Variants in BNIPL observed in about 807,000 individuals in gnomAD.
BNIPL encodes the protein bcl-2/adenovirus E1B 19 kDa-interacting protein 2-like protein.
Under a neutral mutation model 47.0 loss-of-function variants are expected in BNIPL, and 33 were observed. The ratio of observed to expected loss-of-function variants is 0.70; its 90% CI spans 0.53 to 0.94. BNIPL has a LOEUF of 0.94. BNIPL is among the 40% of genes least tolerant of loss of function. The pLI is 0.00. For missense variants in BNIPL, 404 were observed against 445.2 expected (o/e 0.91, Z 0.83); for synonymous variants, 145 against 162.7 (o/e 0.89, Z 0.83).
At chr1:151,038,760 C>T in intron 3 of BNIPL, 36 bp from the exon 4 acceptor site, 1 of 1,558,242 alleles carries the variant, frequency 6.4e-7, no homozygotes, top group Non-Finnish European at 8.7e-7. Flanking sequence ...CCAACACACA[C>T]ACCCATCTTG....
chr1:151,046,681 G>A lies in BNIPL; in HGVS notation c.1068G>A (p.Gly356=), dbSNP rs763123486. 1 of 1,600,704 alleles carries A rather than the reference G, an allele frequency of 6.2e-7. No homozygotes were observed. Among genetic ancestry groups the A allele is most frequent in the South Asian group, 1.1e-5 (1 of 90,796 alleles). The change falls in exon 10 of 10, where the codon GGG becomes GGA. Residue 356 remains glycine, a synonymous_variant. Coordinates refer to ENST00000368931, the MANE Select transcript of BNIPL (RefSeq NM_138278.4). ...QLDRDLHGSG[G]T ...ACCGGGATCTCCATGGCTCAGGAGG[G>A]ACATAGCACAGGACTGGATAAAAGG...
Position 151,046,790 on chromosome 1 carries a change from A to C in BNIPL, c.*103A>C, listed in dbSNP as rs1676042033. On this transcript the variant is annotated 3_prime_UTR_variant, in exon 10 of 10. Coordinates refer to ENST00000368931, the MANE Select transcript of BNIPL (RefSeq NM_138278.4). ...TGTAAATCATCTTATCCCCAACCTC[A>C]GTACCACCGGATCTTCACTTCTCAG... 4 of 897,528 alleles carry C rather than the reference A, an allele frequency of 4.5e-6. No individual in the cohort carries two copies. The highest frequency in any genetic ancestry group is 5.7e-5 in the East Asian group (2 of 34,810). 55.6% of individuals were successfully genotyped at this position (897,528 alleles called of 1,614,324 possible).
chr1:151,043,441 T>TGG lies in BNIPL; in HGVS notation c.719+8_719+9dup, dbSNP rs1158072475. 6.3e-7 allele frequency: 1 copy of TGG among 1,587,974 alleles called. No homozygotes were observed. The highest frequency in any genetic ancestry group is 1.7e-5 in the Admixed American group (1 of 59,948). ...TCATGGAACACTTGTTTAGGTGAGG[T>TGG]GGAAGGCCTGAAGGGCTACAGGGCA... On this transcript the variant is annotated splice_region_variant and intron_variant, in intron 6 of 9. Transcript: ENST00000368931.
intron 2 of BNIPL, 71 bp from the exon 3 acceptor site, chr1:151,038,433 C>T: frequency 8.9e-7 from 1 of 1,121,556 alleles, no homozygotes; most frequent in Non-Finnish European, 1.3e-6. Flanking sequence ...GGAGAGAGAA[C>T]CTATATATTG....
chr1:151,043,220 A>C, intron 5 of BNIPL, 82 bp downstream of exon 5: 1 of 1,538,062 alleles, frequency 6.5e-7, no homozygotes, highest in Non-Finnish European at 9.0e-7. Flanking sequence ...CATTGGATCC[A>C]AAATCTATCC....
In BNIPL at chr1:151,038,480, G is replaced by A. The variant is rs368916210; in HGVS notation, c.138-24G>A. On this transcript the variant is annotated intron_variant, in intron 2 of 9. Coordinates refer to ENST00000368931, the MANE Select transcript of BNIPL (RefSeq NM_138278.4). ...GATGCCTTTGGTGTATATGTCTGCC[G>A]CCTTTTAATCTCTTCCCCTCTAGAT... The A allele has an allele frequency of 6.4e-5, 102 of 1,585,280 alleles. No homozygotes were observed. In the South Asian group the frequency reaches 9.5e-4, roughly 15 times the overall value.
chr1:151,039,176 T>A, intron 4 of BNIPL, 150 bp downstream of exon 4: 1 of 1,248,930 alleles, frequency 8.0e-7, no homozygotes, highest in Non-Finnish European at 1.0e-6. Flanking sequence ...GAACTTGGGC[T>A]TATAGGTCCA....
chr1:151,046,813 C>T lies in BNIPL; in HGVS notation c.*126C>T, dbSNP rs1015561205. 6.4e-6 allele frequency: 5 copies of T among 783,730 alleles called. No homozygotes were observed. The highest frequency in any genetic ancestry group is 5.1e-5 in the Admixed American group (2 of 39,540). 48.5% of individuals were successfully genotyped at this position (783,730 alleles called of 1,614,324 possible). A position where few individuals can be genotyped will look rare whatever the true frequency, so the allele number is the denominator to read the frequency against. On this transcript the variant is annotated 3_prime_UTR_variant, in exon 10 of 10. Coordinates refer to ENST00000368931, the MANE Select transcript of BNIPL (RefSeq NM_138278.4). ...TCAGTACCACCGGATCTTCACTTCT[C>T]AGTGGGATTTTGTCCTTTGCATGAC... is the stretch of plus-strand genomic sequence containing the variant.
chr1:151,046,672 C>T lies in BNIPL; in HGVS notation c.1059C>T (p.Gly353=). Residue 353 remains glycine (G), a synonymous_variant, in exon 10 of 10, where the codon GGC becomes GGT. Coordinates refer to ENST00000368931, the MANE Select transcript of BNIPL (RefSeq NM_138278.4). ...CTAGGCTGGACCGGGATCTCCATGG[C>T]TCAGGAGGGACATAGCACAGGACTG... ...AVRQLDRDLH[G]SGGT is the part of the protein sequence containing the mutation. 6 of 1,603,070 alleles carry T rather than the reference C, an allele frequency of 3.7e-6. No individual in the cohort carries two copies. The highest frequency in any genetic ancestry group is 5.1e-6 in the Non-Finnish European group (6 of 1,172,852).
rs762474234 is a variant in BNIPL, at chr1:151,038,786, C to CT, written c.203-7dup. On this transcript the variant is annotated splice_polypyrimidine_tract_variant and intron_variant, in intron 3 of 9. Coordinates refer to ENST00000368931, the MANE Select transcript of BNIPL (RefSeq NM_138278.4). ...ACCCATCTTGGTTCTCTTTTTCCCC[C>CT]TTTCTCCAGCTGCAGGTACCCCCAG... 19 of 1,563,698 alleles carry CT rather than the reference C, an allele frequency of 1.2e-5. No individual in the cohort carries two copies. In the African/African-American group the frequency reaches 2.2e-4, roughly 18 times the overall value.
chr1:151,038,988 C>G lies in BNIPL; in HGVS notation c.395C>G (p.Ser132Trp). 6.2e-7 allele frequency: 1 copy of G among 1,607,086 alleles called. No individual in the cohort carries two copies. The highest frequency in any genetic ancestry group is 8.5e-7 in the Non-Finnish European group (1 of 1,176,708). ...GACGAATTGGAGACACCTTCAGACT[C>G]GGAGCAGCTGGACAGTGGACATGAA... Reference protein sequence around the residue: ...EIDELETPSDSEQLDSGHEFE... With the variant: ...EIDELETPSDWEQLDSGHEFE... The change falls in exon 4 of 10, where the codon TCG (serine) becomes TGG (tryptophan). Residue 132 changes from serine (S) to tryptophan (W), a missense_variant. Transcript: ENST00000368931.
At position 151,039,035 on chromosome 1, in the gene BNIPL, C is replaced by G. The variant is rs774479917; in HGVS notation, c.433+9C>G. 5 of 1,564,262 alleles carry G rather than the reference C, an allele frequency of 3.2e-6. No individual in the cohort carries two copies. The Admixed American group carries it at 7.5e-5, about 24-fold the overall frequency. On this transcript the variant is annotated intron_variant, in intron 4 of 9. Coordinates refer to ENST00000368931, the MANE Select transcript of BNIPL (RefSeq NM_138278.4). ...TGAATTTGAATGGGAAGGTGGGAAA[C>G]AAACCAGAGGACTCAGCTGGTAGAA...
At chr1:151,037,803 C>T in intron 2 of BNIPL, 141 bp downstream of exon 2, 1 of 602,312 alleles carries the variant, frequency 1.7e-6, no homozygotes, top group Non-Finnish European at 2.9e-6. Flanking sequence ...GAGTTTGAGA[C>T]CAGCCTGACC....
chr1:151,043,183 A>T, intron 5 of BNIPL, 45 bp downstream of exon 5: 20 of 1,580,578 alleles, frequency 1.3e-5, no homozygotes, highest in Non-Finnish European at 1.6e-5. Context: ...TGGCTTCTTA[A>T]TAAAATGCCT....
chr1:151,043,689 A>G lies in BNIPL; in HGVS notation c.813A>G (p.Leu271=). The change falls in exon 7 of 10, where the codon CTA becomes CTG. Residue 271 remains leucine (L), a synonymous_variant. Coordinates refer to ENST00000368931, the MANE Select transcript of BNIPL (RefSeq NM_138278.4). ...GGTSRAQVPP[L]SWIRQCYRTL... ...CAAGCAGGGCCCAAGTTCCACCTCTAAGCTGGATACGTCAGTGTTACCGTA... is the reference window on the plus strand; with the variant it reads ...CAAGCAGGGCCCAAGTTCCACCTCTGAGCTGGATACGTCAGTGTTACCGTA... 6.2e-7 allele frequency: 1 copy of G among 1,613,930 alleles called. No individual in the cohort carries two copies. The highest frequency in any genetic ancestry group is 8.5e-7 in the Non-Finnish European group (1 of 1,179,846).
chr1:151,043,653 G>T lies in BNIPL; in HGVS notation c.777G>T (p.Leu259Phe). The T allele has an allele frequency of 6.2e-7, 1 of 1,611,452 alleles. No homozygotes were observed. Among genetic ancestry groups the T allele is most frequent in the East Asian group, 2.2e-5 (1 of 44,870 alleles). Residue 259 changes from leucine (L) to phenylalanine (F), a missense_variant, in exon 7 of 10, where the codon TTG becomes TTT. By Grantham distance (22) the Leu-to-Phe change is conservative (BLOSUM62 0). Coordinates refer to ENST00000368931, the MANE Select transcript of BNIPL (RefSeq NM_138278.4). ...LVAENYLLVH[L>F]SGGTSRAQVP... is the part of the protein sequence containing the mutation. ...CTGAAAATTACCTGCTTGTTCATTT[G>T]AGTGGAGGCACAAGCAGGGCCCAAG... is the stretch of plus-strand genomic sequence containing the variant.
At chr1:151,043,560 C>G (rs1675906701) in intron 6 of BNIPL, 36 bp from the exon 7 acceptor site, 4 of 1,597,010 alleles carry the variant, frequency 2.5e-6, no homozygotes, top group Non-Finnish European at 2.6e-6. Context: ...TCTGAAGCCC[C>G]TAACACATAC....
In BNIPL at chr1:151,046,635, C is replaced by G. The variant is rs587727342; in HGVS notation, c.1038-16C>G. 59 of 1,597,440 alleles carry G rather than the reference C, an allele frequency of 3.7e-5. No homozygotes were observed. The Admixed American group carries it at 4.0e-4, about 11-fold the overall frequency. The stretch of plus-strand genomic sequence containing the variant: ...CCCCCTGAACCACTTCTCTCCTCCC[C>G]CTCTCCCTCTCCTAGGCTGGACCGG... On this transcript the variant is annotated splice_polypyrimidine_tract_variant and intron_variant, in intron 9 of 9. Coordinates refer to ENST00000368931, the MANE Select transcript of BNIPL (RefSeq NM_138278.4).
At chr1:151,041,016 C>CA (rs1015533653) in intron 4 of BNIPL, among the ~76,000 whole-genome samples, 3 of 150,930 alleles carry the variant, frequency 2.0e-5, no homozygotes, top group Non-Finnish European at 4.4e-5. Flanking sequence ...CCTATTTCTA[C>CA]AAAAAAAATT....
Sources: allele counts gnomAD v4.1 joint callset (sites outside exome capture counted in the v4.1 genomes callset), GRCh38; gene constraint gnomAD v4.1.1; transcripts MANE v1.5; gene names NCBI Gene and HGNC (gene_info 2026-07-23, HGNC 2026-07-21).